The following PCDHB9 variants were observed in gnomAD, a reference collection of about 807,000 sequenced individuals.
PCDHB9 encodes protocadherin beta 9.
For missense variants in PCDHB9, 1,072 were observed against 995.1 expected (o/e 1.08, Z -1.04); for synonymous variants, 501 against 439.7 (o/e 1.14, Z -1.75).
At position 141,188,506 on chromosome 5, in the gene PCDHB9, T is replaced by A. The variant is rs782296469; in HGVS notation, c.1188T>A (p.Ser396=). The A allele has an allele frequency of 1.2e-6, 2 of 1,614,198 alleles. No individual in the cohort carries two copies. Among genetic ancestry groups the A allele is most frequent in the Non-Finnish European group, 1.7e-6 (2 of 1,180,034 alleles). The change falls in exon 1 of 1, where the codon TCT becomes TCA. Residue 396 remains serine (S), a synonymous_variant. Coordinates refer to ENST00000316105, the MANE Select transcript of PCDHB9 (RefSeq NM_019119.5). ...QDNLPFFLKP[S]VDNFYILMTE... is the part of the protein sequence containing the mutation. ...ATCTGCCTTTTTTTCTGAAACCGTC[T>A]GTTGACAATTTTTACATCCTAATGA... is the stretch of plus-strand genomic sequence containing the variant.
chr5:141,188,726 A>G lies in PCDHB9; in HGVS notation c.1408A>G (p.Ile470Val). 1.9e-6 allele frequency: 3 copies of G among 1,613,410 alleles called. No homozygotes were observed. Among genetic ancestry groups the G allele is most frequent in the Non-Finnish European group, 2.5e-6 (3 of 1,180,012 alleles). Reference protein sequence around the residue: ...VRENNSPALHIGSVSATDRDS... With the variant: ...VRENNSPALHVGSVSATDRDS... ...GGAGAACAACAGCCCCGCCCTGCAC[A>G]TCGGCAGTGTCAGCGCCACAGACAG... The change falls in exon 1 of 1, where the codon ATC (isoleucine) becomes GTC (valine). Residue 470 changes from isoleucine (I) to valine (V), a missense_variant. Coordinates refer to ENST00000316105, the MANE Select transcript of PCDHB9 (RefSeq NM_019119.5).
rs1554283302 is a variant in PCDHB9, at chr5:141,189,289, G to T, written c.1971G>T (p.Thr657=). The T allele has an allele frequency of 2.5e-6, 4 of 1,609,094 alleles. No individual in the cohort carries two copies. The African/African-American group carries it at 4.0e-5, about 16-fold the overall frequency. Residue 657 remains threonine (T), a synonymous_variant, in exon 1 of 1, where the codon ACG becomes ACT. Coordinates refer to ENST00000316105, the MANE Select transcript of PCDHB9 (RefSeq NM_019119.5). The part of the protein sequence containing the change: ...NGEPPRSATA[T]LHVLLVDGFS... ...AGCCTCCTCGCTCGGCCACCGCCAC[G>T]CTGCACGTGCTCCTGGTGGACGGCT...
rs782306987 is a variant in PCDHB9 at position 141,187,531 on chromosome 5, C to A, written c.213C>A (p.Asn71Lys). Residue 71 changes from asparagine to lysine, a missense_variant, in exon 1 of 1, where the codon AAC becomes AAA. By Grantham distance (94) the Asn-to-Lys change is moderately conservative (BLOSUM62 0). Coordinates refer to ENST00000316105, the MANE Select transcript of PCDHB9 (RefSeq NM_019119.5). ...ARGTRVVSDDNKQYLLLDSHT... is the reference protein window; with the variant it reads ...ARGTRVVSDDKKQYLLLDSHT... The stretch of plus-strand genomic sequence containing the variant: ...GAACCAGGGTGGTTTCCGATGATAA[C>A]AAACAATACCTGCTCCTGGATTCAC... 55 of 1,607,962 alleles carry A rather than the reference C, an allele frequency of 3.4e-5. No homozygotes were observed. In the Admixed American group the frequency reaches 8.4e-4, roughly 25 times the overall value.
Position 141,187,332 on chromosome 5 carries a change from G to A in PCDHB9, c.14G>A (p.Gly5Glu), listed in dbSNP as rs781968080. ...AAAGAAGCAGCTATGAAGACCAGGGGGTTCAGCTTTCCAAGACAAAGGCAA... is the reference window on the plus strand; with the variant it reads ...AAAGAAGCAGCTATGAAGACCAGGGAGTTCAGCTTTCCAAGACAAAGGCAA... The part of the protein sequence containing the change: MKTR[G>E]FSFPRQRQVL... Residue 5 changes from glycine to glutamate, a missense_variant, in exon 1 of 1, where the codon GGG becomes GAG. By Grantham distance (98) the Gly-to-Glu change is moderately conservative. Coordinates refer to ENST00000316105, the MANE Select transcript of PCDHB9 (RefSeq NM_019119.5). 5 of 1,613,708 alleles carry A rather than the reference G, an allele frequency of 3.1e-6. No homozygotes were observed. In the African/African-American group the frequency reaches 4.0e-5, roughly 13 times the overall value.
Position 141,187,242 on chromosome 5 carries a change from C to T in PCDHB9, c.-77C>T. ...AATTAAAAACCCTAGATCTCTGGTA[C>T]ACATAAGTCTGGGTTTGCGATTGCT... On this transcript the variant is annotated 5_prime_UTR_variant, in exon 1 of 1. Transcript: ENST00000316105. 1.4e-6 allele frequency: 2 copies of T among 1,431,732 alleles called. No homozygotes were observed. Among genetic ancestry groups the T allele is most frequent in the Non-Finnish European group, 1.9e-6 (2 of 1,047,806 alleles). The allele number at this position is 1,431,732 out of a possible 1,614,324, so 88.7% of individuals were successfully genotyped here.
chr5:141,189,306 T>C lies in PCDHB9; in HGVS notation c.1988T>C (p.Val663Ala). The change falls in exon 1 of 1, where the codon GTG (valine) becomes GCG (alanine). Residue 663 changes from valine (V) to alanine (A), a missense_variant. Coordinates refer to ENST00000316105, the MANE Select transcript of PCDHB9 (RefSeq NM_019119.5). The stretch of plus-strand genomic sequence containing the variant: ...ACCGCCACGCTGCACGTGCTCCTGG[T>C]GGACGGCTTCTCCCAGCCCTACCTG... Reference protein sequence around the residue: ...SATATLHVLLVDGFSQPYLPL... With the variant: ...SATATLHVLLADGFSQPYLPL... 6.2e-7 allele frequency: 1 copy of C among 1,610,100 alleles called. No individual in the cohort carries two copies. The highest frequency in any genetic ancestry group is 8.5e-7 in the Non-Finnish European group (1 of 1,179,750).
Position 141,189,997 on chromosome 5 carries a change from C to A in PCDHB9, c.*285C>A. 1 of 281,052 alleles carries A rather than the reference C, an allele frequency of 3.6e-6. No homozygotes were observed. Among genetic ancestry groups the A allele is most frequent in the African/African-American group, 2.2e-5 (1 of 45,626 alleles). The allele number at this position is 281,052 out of a possible 1,614,324, so 17.4% of individuals were successfully genotyped here. On this transcript the variant is annotated 3_prime_UTR_variant, in exon 1 of 1. Transcript: ENST00000316105. ...ATTGACTTTAAATTCATTGCCTCTA[C>A]ATTATTCATTAGTTCTTCTTTTCCT...
chr5:141,189,631 C>A lies in PCDHB9; in HGVS notation c.2313C>A (p.Thr771=). The A allele has an allele frequency of 6.2e-7, 1 of 1,614,030 alleles. No individual in the cohort carries two copies. The highest frequency in any genetic ancestry group is 8.5e-7 in the Non-Finnish European group (1 of 1,180,006). The stretch of plus-strand genomic sequence containing the variant: ...AGTTCAAGTTCTTGAAGCCGATTAC[C>A]CCCCACCTCCCGCCCCATAGGGGTG... ...TGEFKFLKPI[T]PHLPPHRGGK... is the part of the protein sequence containing the mutation. The change falls in exon 1 of 1, where the codon ACC becomes ACA. Residue 771 remains threonine, a synonymous_variant. Transcript: ENST00000316105.
rs1228767382 is a variant in PCDHB9, at chr5:141,187,842, A to G, written c.524A>G (p.Asn175Ser). ...ATCCAAAACTACACGATCAGCTCCAACTCTTTTTTCCATATTAAAATTAGT... is the reference window on the plus strand; with the variant it reads ...ATCCAAAACTACACGATCAGCTCCAGCTCTTTTTTCCATATTAAAATTAGT... ...NSIQNYTISS[N>S]SFFHIKISGS... The change falls in exon 1 of 1, where the codon AAC becomes AGC. Residue 175 changes from asparagine to serine, a missense_variant. Coordinates refer to ENST00000316105, the MANE Select transcript of PCDHB9 (RefSeq NM_019119.5). 9 of 1,613,988 alleles carry G rather than the reference A, an allele frequency of 5.6e-6. No homozygotes were observed. Among genetic ancestry groups the G allele is most frequent in the African/African-American group, 2.7e-5 (2 of 74,896 alleles).
In PCDHB9 at chr5:141,188,609, C is replaced by T; in HGVS notation, c.1291C>T (p.Leu431=). ...ITVTDLGTPR[L]KTEHSITLQV... is the part of the protein sequence containing the mutation. ...CGTCACTGACTTGGGGACACCCAGG[C>T]TGAAAACCGAGCACAGCATAACCCT... Residue 431 remains leucine, a synonymous_variant, in exon 1 of 1, where the codon CTG becomes TTG. Coordinates refer to ENST00000316105, the MANE Select transcript of PCDHB9 (RefSeq NM_019119.5). The T allele has an allele frequency of 1.9e-6, 3 of 1,614,186 alleles. No homozygotes were observed. The highest frequency in any genetic ancestry group is 2.5e-6 in the Non-Finnish European group (3 of 1,180,048).
Position 141,188,603 on chromosome 5 carries a change from C to T in PCDHB9, c.1285C>T (p.Pro429Ser). The T allele has an allele frequency of 6.2e-7, 1 of 1,614,186 alleles. No homozygotes were observed. Among genetic ancestry groups the T allele is most frequent in the Non-Finnish European group, 8.5e-7 (1 of 1,180,042 alleles). The change falls in exon 1 of 1, where the codon CCC becomes TCC. Residue 429 changes from proline to serine, a missense_variant. Coordinates refer to ENST00000316105, the MANE Select transcript of PCDHB9 (RefSeq NM_019119.5). ...CATCACCGTCACTGACTTGGGGACA[C>T]CCAGGCTGAAAACCGAGCACAGCAT... is the stretch of plus-strand genomic sequence containing the variant. ...ITITVTDLGTPRLKTEHSITL... is the reference protein window; with the variant it reads ...ITITVTDLGTSRLKTEHSITL...
chr5:141,187,463 G>T lies in PCDHB9; in HGVS notation c.145G>T (p.Ala49Ser). ...GAAAGGATCCTTTGTGGTCAATCTGGCAAAGGATCTGGGACTAGCAGAGGG... is the reference window on the plus strand; with the variant it reads ...GAAAGGATCCTTTGTGGTCAATCTGTCAAAGGATCTGGGACTAGCAGAGGG... ...TEKGSFVVNLAKDLGLAEGEL... is the reference protein window; with the variant it reads ...TEKGSFVVNLSKDLGLAEGEL... Residue 49 changes from alanine (A) to serine (S), a missense_variant, in exon 1 of 1, where the codon GCA (alanine) becomes TCA (serine). Physicochemically the swap from Ala to Ser is moderately conservative, Grantham distance 99. Transcript: ENST00000316105. 6.2e-7 allele frequency: 1 copy of T among 1,613,816 alleles called. No individual in the cohort carries two copies. Among genetic ancestry groups the T allele is most frequent in the Non-Finnish European group, 8.5e-7 (1 of 1,179,912 alleles).
Position 141,188,152 on chromosome 5 carries a change from C to T in PCDHB9, c.834C>T (p.Ser278=). Residue 278 remains serine, a synonymous_variant, in exon 1 of 1, where the codon TCC becomes TCT. Coordinates refer to ENST00000316105, the MANE Select transcript of PCDHB9 (RefSeq NM_019119.5). ...ACTCAGGAGTCAATGCAGAAGTATC[C>T]TATTCATTTTTTGATGCTTCTGAAG... ...DADSGVNAEV[S]YSFFDASEDI... is the part of the protein sequence containing the mutation. 6.2e-7 allele frequency: 1 copy of T among 1,611,000 alleles called. No individual in the cohort carries two copies.
In PCDHB9 at chr5:141,187,163, T is replaced by C. The variant is rs1753755322; in HGVS notation, c.-156T>C. 1 of 1,163,318 alleles carries C rather than the reference T, an allele frequency of 8.6e-7. No individual in the cohort carries two copies. Among genetic ancestry groups the C allele is most frequent in the Non-Finnish European group, 1.2e-6 (1 of 839,496 alleles). 72.1% of individuals were successfully genotyped at this position (1,163,318 alleles called of 1,614,324 possible). On this transcript the variant is annotated 5_prime_UTR_variant, in exon 1 of 1. Coordinates refer to ENST00000316105, the MANE Select transcript of PCDHB9 (RefSeq NM_019119.5). ...GAAGTCCTTGACAAAAAGGAAACAC[T>C]GAGACAGATGGGCTGAGAAGAAGAG...
Position 141,190,987 on chromosome 5 carries a change from G to C in PCDHB9, c.*1275G>C, listed in dbSNP as rs182796733. The stretch of plus-strand genomic sequence containing the variant: ...AAGGTCTTTGAGGCAGGGCTCAGTG[G>C]CTCATTCCTGTAATCCCAGCACTTT... On this transcript the variant is annotated 3_prime_UTR_variant, in exon 1 of 1. Transcript: ENST00000316105. The C allele has an allele frequency of 5.3e-5, 8 of 152,276 alleles. No homozygotes were observed. The highest frequency in any genetic ancestry group is 1.9e-4 in the African/African-American group (8 of 41,510). The allele number at this position is 152,276 out of a possible 1,614,324, so 9.4% of individuals were successfully genotyped here.
rs782269167 is a variant in PCDHB9 at position 141,189,653 on chromosome 5, G to T, written c.2335G>T (p.Gly779Cys). The change falls in exon 1 of 1, where the codon GGT (glycine) becomes TGT (cysteine). Residue 779 changes from glycine (G) to cysteine (C), a missense_variant. Transcript: ENST00000316105. ...TACCCCCCACCTCCCGCCCCATAGGGGTGGGAAAGAAATAGAGGAAAATTC... is the reference window on the plus strand; with the variant it reads ...TACCCCCCACCTCCCGCCCCATAGGTGTGGGAAAGAAATAGAGGAAAATTC... Reference protein sequence around the residue: ...PITPHLPPHRGGKEIEENSTL... With the variant: ...PITPHLPPHRCGKEIEENSTL... The T allele has an allele frequency of 6.2e-7, 1 of 1,613,592 alleles. No homozygotes were observed. Among genetic ancestry groups the T allele is most frequent in the Non-Finnish European group, 8.5e-7 (1 of 1,179,774 alleles).
chr5:141,188,335 T>G lies in PCDHB9; in HGVS notation c.1017T>G (p.Asp339Glu). The change falls in exon 1 of 1, where the codon GAT becomes GAG. Residue 339 changes from aspartate (D) to glutamate (E), a missense_variant. Physicochemically the swap from Asp to Glu is conservative, Grantham distance 45 (BLOSUM62 2). Transcript: ENST00000316105. ...GTACAGTTTTGATAAAAGTATTAGA[T>G]TCCAATGACAATCCTCCTGAACTGA... ...ARCTVLIKVL[D>E]SNDNPPELII... 6.2e-7 allele frequency: 1 copy of G among 1,614,118 alleles called. No homozygotes were observed. Among genetic ancestry groups the G allele is most frequent in the Admixed American group, 1.7e-5 (1 of 60,012 alleles).
Position 141,187,170 on chromosome 5 carries a change from G to C in PCDHB9, c.-149G>C. The C allele has an allele frequency of 8.6e-7, 1 of 1,161,010 alleles. No homozygotes were observed. Among genetic ancestry groups the C allele is most frequent in the Non-Finnish European group, 1.2e-6 (1 of 833,764 alleles). The allele number at this position is 1,161,010 out of a possible 1,614,324, so 71.9% of individuals were successfully genotyped here. On this transcript the variant is annotated 5_prime_UTR_variant, in exon 1 of 1. Transcript: ENST00000316105. The stretch of plus-strand genomic sequence containing the variant: ...TTGACAAAAAGGAAACACTGAGACA[G>C]ATGGGCTGAGAAGAAGAGCTGTCGA...
Position 141,189,633 on chromosome 5 carries a change from C to G in PCDHB9, c.2315C>G (p.Pro772Arg), listed in dbSNP as rs782777880. The change falls in exon 1 of 1, where the codon CCC becomes CGC. Residue 772 changes from proline (P) to arginine (R), a missense_variant. Transcript: ENST00000316105. ...TTCAAGTTCTTGAAGCCGATTACCC[C>G]CCACCTCCCGCCCCATAGGGGTGGG... ...GEFKFLKPIT[P>R]HLPPHRGGKE... 1.9e-6 allele frequency: 3 copies of G among 1,613,972 alleles called. No homozygotes were observed. Among genetic ancestry groups the G allele is most frequent in the Non-Finnish European group, 2.5e-6 (3 of 1,180,030 alleles).
Sources: gnomAD v4.1 joint callset for allele counts on GRCh38, gnomAD v4.1.1 for gene constraint, MANE v1.5 for transcripts, NCBI Gene and HGNC (gene_info 2026-07-23, HGNC 2026-07-21) for gene names.